The following KCND3 variants were observed in gnomAD, a reference collection of about 807,000 sequenced individuals.
KCND3 encodes the protein A-type voltage-gated potassium channel KCND3.
In KCND3, 9 loss-of-function variants were observed where a neutral mutation model predicts 51.1. The ratio of observed to expected loss-of-function variants is 0.18; its 90% CI spans 0.11 to 0.31. The LOEUF is 0.31. Ranked by LOEUF, KCND3 falls within the 10% of genes least tolerant of loss-of-function variation. KCND3 has a pLI of 1.00. For missense variants in KCND3, 526 were observed against 903.8 expected (o/e 0.58, Z 5.36); for synonymous variants, 349 against 368.0 (o/e 0.95, Z 0.59).
chr1:111,940,071 T>G (rs1160084651), intron 2 of KCND3, among the ~76,000 whole-genome samples: 6 of 132,064 alleles, frequency 4.5e-5, no homozygotes, highest in African/African-American at 5.9e-5. Context: ...TACTTTTTGA[T>G]GGTTTTTTTT....
intron 2 of KCND3, among the ~76,000 whole-genome samples, chr1:111,934,281 C>T (rs527504373): frequency 1.3e-5 from 2 of 152,330 alleles, no homozygotes; most frequent in South Asian, 4.1e-4. Flanking sequence ...AGCCCCCAGC[C>T]CATTCCATCT....
chr1:111,854,270 C>T (rs1458454411), intron 2 of KCND3, among the ~76,000 whole-genome samples: 1 of 152,184 alleles, frequency 6.6e-6, no homozygotes, highest in Non-Finnish European at 1.5e-5. Context: ...TAAATATGAA[C>T]TTCAGATAAT....
Position 111,775,955 on chromosome 1 carries a change from G to T in KCND3, c.*122C>A. The T allele has an allele frequency of 9.0e-7, 1 of 1,105,144 alleles. No individual in the cohort carries two copies. Among genetic ancestry groups the T allele is most frequent in the South Asian group, 1.3e-5 (1 of 77,204 alleles). The allele number at this position is 1,105,144 out of a possible 1,614,324, so 68.5% of individuals were successfully genotyped here. On this transcript the variant is annotated 3_prime_UTR_variant, in exon 8 of 8. Transcript: ENST00000302127. ...TCCAGGCACAAGTCTCAGTGCTAGGGGTACAATGGGGCAGGCAGAAATAGT... is the reference window on the plus strand; with the variant it reads ...TCCAGGCACAAGTCTCAGTGCTAGGTGTACAATGGGGCAGGCAGAAATAGT...
intron 2 of KCND3, among the ~76,000 whole-genome samples, chr1:111,828,414 T>C (rs1666676373): frequency 6.6e-6 from 1 of 152,170 alleles, no homozygotes; most frequent in Non-Finnish European, 1.5e-5. Context: ...AAAGAGTATG[T>C]TTATACTATT....
chr1:111,916,388 A>G (rs1671219368), intron 2 of KCND3, among the ~76,000 whole-genome samples: 1 of 152,222 alleles, frequency 6.6e-6, no homozygotes, highest in Non-Finnish European at 1.5e-5. Flanking sequence ...AAATGACAAT[A>G]TACCAAAGTC....
chr1:111,817,795 C>T (rs1557956083), intron 2 of KCND3, among the ~76,000 whole-genome samples: 2 of 152,196 alleles, frequency 1.3e-5, no homozygotes, highest in East Asian at 3.9e-4. Flanking sequence ...TGTAATCAAG[C>T]GAAACCCACA....
At chr1:111,845,123 C>T (rs540208089) in intron 2 of KCND3, among the ~76,000 whole-genome samples, 1 of 152,266 alleles carries the variant, frequency 6.6e-6, no homozygotes, top group Admixed American at 6.5e-5. Context: ...TCACTGATGG[C>T]CTCTGATGCT....
intron 2 of KCND3, among the ~76,000 whole-genome samples, chr1:111,873,022 A>G (rs914329903): frequency 3.2e-4 from 48 of 152,308 alleles, no homozygotes; most frequent in African/African-American, 1.1e-3. Context: ...TTTGACTTGA[A>G]GCTATGTCTG....
chr1:111,983,582 C>G (rs147904664), intron 1 of KCND3, among the ~76,000 whole-genome samples: 24 of 152,276 alleles, frequency 1.6e-4, no homozygotes, highest in South Asian at 1.0e-3. Context: ...GTCTTGGCTT[C>G]TTGGTTCACC....
intron 2 of KCND3, among the ~76,000 whole-genome samples, chr1:111,836,262 T>TCCA (rs1667059635): frequency 6.6e-6 from 1 of 152,172 alleles, no homozygotes; most frequent in Non-Finnish European, 1.5e-5. Context: ...CACTGCCAGT[T>TCCA]TGGGCCGCCT....
intron 2 of KCND3, among the ~76,000 whole-genome samples, chr1:111,875,492 C>A (rs1669009372): frequency 6.6e-6 from 1 of 152,132 alleles, no homozygotes; most frequent in African/African-American, 2.4e-5. Context: ...CTATACAAAC[C>A]AAAGAGTGAG....
intron 2 of KCND3, among the ~76,000 whole-genome samples, chr1:111,959,296 G>A (rs1347728767): frequency 6.6e-6 from 1 of 152,116 alleles, no homozygotes; most frequent in Non-Finnish European, 1.5e-5. Context: ...ACTCAAGGAT[G>A]GTTTATTTTC....
At chr1:111,853,248 T>C (rs1271207408) in intron 2 of KCND3, among the ~76,000 whole-genome samples, 3 of 152,200 alleles carry the variant, frequency 2.0e-5, no homozygotes, top group Non-Finnish European at 4.4e-5. Context: ...CATTTCATCT[T>C]TTTTGAGTCA....
At chr1:111,891,980 CTGTG>C (rs35910937) in intron 2 of KCND3, among the ~76,000 whole-genome samples, 12,498 of 147,028 alleles carry the variant, frequency 0.085, 543 homozygotes, top group East Asian at 0.17. Flanking sequence ...GTGTGTGTGT[CTGTG>C]TGTGTGTGTG....
intron 1 of KCND3, chr1:111,988,921 C>T (rs1297566233): frequency 6.6e-6 from 1 of 152,422 alleles, no homozygotes; most frequent in Non-Finnish European, 1.5e-5. Context: ...CGTCCCCCAC[C>T]TCCAGTGTAA....
chr1:111,932,401 AT>A, intron 2 of KCND3, among the ~76,000 whole-genome samples: 1 of 152,212 alleles, frequency 6.6e-6, no homozygotes, highest in South Asian at 2.1e-4. Flanking sequence ...TGTTTTTACC[AT>A]TTTTTAAGCT....
chr1:111,845,496 C>A (rs1031575824), intron 2 of KCND3, among the ~76,000 whole-genome samples: 1 of 152,272 alleles, frequency 6.6e-6, no homozygotes, highest in East Asian at 1.9e-4. Flanking sequence ...CAGCATATCC[C>A]AAATGGAGCT....
At chr1:111,917,740 A>C (rs1671291949) in intron 2 of KCND3, among the ~76,000 whole-genome samples, 1 of 152,216 alleles carries the variant, frequency 6.6e-6, no homozygotes, top group South Asian at 2.1e-4. Context: ...GGGCGAACTG[A>C]GGTAAAGAGC....
At chr1:111,867,544 C>T (rs1668634685) in intron 2 of KCND3, among the ~76,000 whole-genome samples, 1 of 152,184 alleles carries the variant, frequency 6.6e-6, no homozygotes, top group Non-Finnish European at 1.5e-5. Context: ...ATGGGAACAC[C>T]TGTATTTCCA....
Sources: gnomAD v4.1 joint callset for allele counts (sites outside exome capture counted in the v4.1 genomes callset) on GRCh38, gnomAD v4.1.1 for gene constraint, MANE v1.5 for transcripts, NCBI Gene and HGNC (gene_info 2026-07-23, HGNC 2026-07-21) for gene names.